Variants in SPHKAP observed in about 807,000 individuals in gnomAD.
SPHKAP encodes SPHK1 interactor, AKAP domain containing.
A neutral mutation model predicts 137.5 loss-of-function variants in SPHKAP; 67 were observed. That is an observed-to-expected ratio of 0.49 (90% CI 0.40 to 0.60). The LOEUF is 0.60. Among genes scored for constraint, SPHKAP ranks in the 20% least tolerant of loss-of-function variants. The probability of loss-of-function intolerance (pLI) is 0.00; values close to 1 mark genes in which losing one functional copy is unlikely to be tolerated. For missense variants in SPHKAP, 2,097 were observed against 2,069.3 expected (o/e 1.01, Z -0.26); for synonymous variants, 813 against 785.3 (o/e 1.04, Z -0.59).
rs139756256 is a variant in SPHKAP at position 228,016,551 on chromosome 2, G to T, written c.4303C>A (p.Gln1435Lys). 1,409 of 1,614,074 alleles carry T rather than the reference G, an allele frequency of 8.7e-4. 6 individuals are homozygous for T. Among genetic ancestry groups the T allele is most frequent in the Non-Finnish European group, 9.4e-4 (1,104 of 1,180,016 alleles). The change falls in exon 7 of 12, where the codon CAG becomes AAG. Residue 1435 changes from glutamine (Q) to lysine (K), a missense_variant. Gln to Lys is a moderately conservative substitution (Grantham distance 53). Transcript: ENST00000392056. ...EVPLIQIETD[Q>K]REACAGEPEP... is the part of the protein sequence containing the mutation. ...GGTTCCCCAGCACAGGCTTCTCTCTGATCTGTTTCAATCTGAATCAAAGGC... is the reference window on the plus strand; with the variant it reads ...GGTTCCCCAGCACAGGCTTCTCTCTTATCTGTTTCAATCTGAATCAAAGGC...
chr2:228,154,533 T>TATATATATA (rs57634967), intron 1 of SPHKAP, among the ~76,000 whole-genome samples: 20 of 15,502 alleles, frequency 1.3e-3, no homozygotes, highest in South Asian at 4.9e-3. Context: ...TATATATATA[T>TATATATATA]TTTTTTTTTT....
At chr2:227,996,239 T>A in intron 7 of SPHKAP, 1 of 477,520 alleles carries the variant, frequency 2.1e-6, no homozygotes, top group East Asian at 1.5e-4. Context: ...GCACTTGCAC[T>A]ATATTTTGTG....
At chr2:228,079,951 C>A (rs1219502133) in intron 3 of SPHKAP, among the ~76,000 whole-genome samples, 1 of 152,130 alleles carries the variant, frequency 6.6e-6, no homozygotes, top group African/African-American at 2.4e-5. Flanking sequence ...GAAATTAGAC[C>A]CTTATCTCAC....
rs1375717038 is a variant in SPHKAP at position 228,052,496 on chromosome 2, T to C, written c.247-24953A>G. ...AAGAATCAGAACAATATAACACTGT[T>C]CAATAGCAGTGCTGGAAGCCAAAAG... On this transcript the variant is annotated intron_variant, in intron 3 of 11. Transcript: ENST00000392056. Among the ~76,000 whole-genome samples, 4 of 152,172 alleles carry C rather than the reference T, an allele frequency of 2.6e-5. No homozygotes were observed. The East Asian group carries it at 7.7e-4, about 29-fold the overall frequency.
chr2:228,043,278 G>C (rs570917054), intron 3 of SPHKAP, among the ~76,000 whole-genome samples: 1 of 152,220 alleles, frequency 6.6e-6, no homozygotes, highest in Non-Finnish European at 1.5e-5. Flanking sequence ...AGGATATATA[G>C]GCTAGCTTTA....
chr2:228,010,143 G>A (rs2106196258), intron 7 of SPHKAP, among the ~76,000 whole-genome samples: 1 of 152,230 alleles, frequency 6.6e-6, no homozygotes, highest in Middle Eastern at 3.4e-3. Context: ...GGCAATTATA[G>A]GGCTAATCAC....
intron 3 of SPHKAP, among the ~76,000 whole-genome samples, chr2:228,108,436 A>C (rs1364056963): frequency 6.6e-6 from 1 of 152,178 alleles, no homozygotes; most frequent in Non-Finnish European, 1.5e-5. Flanking sequence ...GTAACATATA[A>C]GAATGATGGA....
At position 228,018,197 on chromosome 2, in the gene SPHKAP, T is replaced by G; in HGVS notation, c.2657A>C (p.Lys886Thr). 6.2e-7 allele frequency: 1 copy of G among 1,614,146 alleles called. No homozygotes were observed. The highest frequency in any genetic ancestry group is 1.1e-5 in the South Asian group (1 of 91,086). The change falls in exon 7 of 12, where the codon AAG (lysine) becomes ACG (threonine). Residue 886 changes from lysine to threonine, a missense_variant. By Grantham distance (78) the Lys-to-Thr change is moderately conservative. Coordinates refer to ENST00000392056, the MANE Select transcript of SPHKAP (RefSeq NM_001142644.2). ...GATGCGAGATGTGGCACAGTTGTAC[T>G]TTTCTTGGGTGTTTGGGTGGATACT... The part of the protein sequence containing the change: ...EESIHPNTQE[K>T]YNCATSRINE...
At chr2:227,994,947 T>C (rs1225842432) in intron 8 of SPHKAP, among the ~76,000 whole-genome samples, 1 of 152,212 alleles carries the variant, frequency 6.6e-6, no homozygotes, top group Non-Finnish European at 1.5e-5. Context: ...GGGAGTCTTT[T>C]AGAGGTTCCA....
At chr2:228,079,043 C>A (rs962637696) in intron 3 of SPHKAP, among the ~76,000 whole-genome samples, 1 of 152,154 alleles carries the variant, frequency 6.6e-6, no homozygotes, top group Non-Finnish European at 1.5e-5. Context: ...GATCCCCAAC[C>A]TTTTTGGCAC....
intron 7 of SPHKAP, among the ~76,000 whole-genome samples, chr2:228,001,334 T>C (rs1693862653): frequency 7.0e-6 from 1 of 143,244 alleles, no homozygotes; most frequent in South Asian, 2.1e-4. Flanking sequence ...TATATACATA[T>C]ATAAATATAT....
At chr2:228,073,610 T>C (rs895979118) in intron 3 of SPHKAP, among the ~76,000 whole-genome samples, 4 of 152,218 alleles carry the variant, frequency 2.6e-5, no homozygotes, top group African/African-American at 9.7e-5. Flanking sequence ...AATCTTTGTG[T>C]CTGAATGTAT....
intron 1 of SPHKAP, among the ~76,000 whole-genome samples, chr2:228,143,357 CATA>C (rs753925642): frequency 6.6e-5 from 10 of 152,228 alleles, no homozygotes; most frequent in Non-Finnish European, 1.2e-4. Context: ...GTCTGGGCAA[CATA>C]ATGAGACCCT....
At chr2:228,046,291 CTTTTTT>C (rs58510792) in intron 3 of SPHKAP, among the ~76,000 whole-genome samples, 5 of 82,528 alleles carry the variant, frequency 6.1e-5, no homozygotes, top group Admixed American at 1.7e-4. Flanking sequence ...TGTTGTTATT[CTTTTTT>C]TTTTTTTTTT....
chr2:228,084,117 A>C (rs1559164525), intron 3 of SPHKAP, among the ~76,000 whole-genome samples: 1 of 152,106 alleles, frequency 6.6e-6, no homozygotes, highest in African/African-American at 2.4e-5. Flanking sequence ...AGAAAAAAAA[A>C]AAAAGAAATG....
chr2:227,996,587 G>A (rs933324992), intron 7 of SPHKAP, among the ~76,000 whole-genome samples: 4 of 152,124 alleles, frequency 2.6e-5, no homozygotes, highest in Non-Finnish European at 5.9e-5. Context: ...TCCCAGCCAG[G>A]ACCCTTCTTC....
At chr2:228,166,746 T>C (rs1444310639) in intron 1 of SPHKAP, among the ~76,000 whole-genome samples, 1 of 152,196 alleles carries the variant, frequency 6.6e-6, no homozygotes, top group Non-Finnish European at 1.5e-5. Context: ...AGTGTTATTA[T>C]GGTTATTGTA....
intron 2 of SPHKAP, among the ~76,000 whole-genome samples, chr2:228,118,221 C>T (rs556433929): frequency 2.1e-5 from 3 of 144,118 alleles, no homozygotes; most frequent in Non-Finnish European, 4.5e-5. Flanking sequence ...AGTAGCATTC[C>T]ATTCTGTGGA....
Position 228,003,933 on chromosome 2 carries a change from C to T in SPHKAP, c.4449-8239G>A, listed in dbSNP as rs541847474. ...AAGCCCACTTGATCATGGTGATAAG[C>T]TTTTTGATGTGCTGCTGGATTTGGT... On this transcript the variant is annotated intron_variant, in intron 7 of 11. Transcript: ENST00000392056. 4.3e-4 allele frequency among the ~76,000 whole-genome samples: 66 copies of T among 152,260 alleles called. 1 individual carries two copies. The South Asian group carries it at 6.9e-3, about 16-fold the overall frequency.
Sources: gnomAD v4.1 joint callset for allele counts (sites outside exome capture counted in the v4.1 genomes callset) on GRCh38, gnomAD v4.1.1 for gene constraint, MANE v1.5 for transcripts, NCBI Gene and HGNC (gene_info 2026-07-23, HGNC 2026-07-21) for gene names.